Variants in TMCC1 observed in about 807,000 individuals in gnomAD.
TMCC1 encodes transmembrane and coiled-coil domain family 1, also known as transmembrane and coiled-coil domains protein 1.
A neutral mutation model predicts 52.4 loss-of-function variants in TMCC1; 15 were observed. That is an observed-to-expected ratio of 0.29 (90% CI 0.19 to 0.44). The LOEUF (loss-of-function observed/expected upper bound fraction) is 0.44, where lower values mean the gene tolerates loss of function less well. Among genes scored for constraint, TMCC1 ranks in the 20% least tolerant of loss-of-function variants. The pLI, the probability that TMCC1 is intolerant of heterozygous loss-of-function variation, is 1.00. For synonymous variants in TMCC1, 279 were observed against 301.9 expected, an observed-to-expected ratio of 0.92 and a Z score of 0.79; for missense variants, 503 against 806.0, an observed-to-expected ratio of 0.62 and a Z score of 4.55.
At chr3:129,692,939 C>T (rs540807776) in intron 4 of TMCC1, among the ~76,000 whole-genome samples, 1 of 152,186 alleles carries the variant, frequency 6.6e-6, no homozygotes, top group Admixed American at 6.5e-5. Context: ...ATCTCCCGGG[C>T]TCAAGTGATC....
chr3:129,687,338 G>A (rs2089477493), intron 4 of TMCC1, among the ~76,000 whole-genome samples: 2 of 152,122 alleles, frequency 1.3e-5, no homozygotes, highest in South Asian at 4.1e-4. Flanking sequence ...TTAAAGCAAG[G>A]TGATTCTGGT....
intron 4 of TMCC1, among the ~76,000 whole-genome samples, chr3:129,824,052 T>C (rs1486914094): frequency 6.6e-6 from 1 of 152,096 alleles, no homozygotes; most frequent in Non-Finnish European, 1.5e-5. Context: ...CAAATGAACT[T>C]TGGCTGGGCG....
chr3:129,780,869 C>T (rs532472376), intron 4 of TMCC1, among the ~76,000 whole-genome samples: 1 of 152,262 alleles, frequency 6.6e-6, no homozygotes, highest in Middle Eastern at 3.4e-3. Flanking sequence ...TCAGTATTCT[C>T]TTGCATTGTC....
chr3:129,688,245 C>T, intron 4 of TMCC1: 1 of 985,056 alleles, frequency 1.0e-6, no homozygotes, highest in African/African-American at 1.7e-5. Context: ...TGTGCACTGC[C>T]AGAGAAAGCT....
intron 5 of TMCC1, among the ~76,000 whole-genome samples, chr3:129,668,480 T>C (rs2087651829): frequency 6.6e-6 from 1 of 152,198 alleles, no homozygotes; most frequent in African/African-American, 2.4e-5. Context: ...TTTTCAAGGT[T>C]AGTAAGGGGA....
At chr3:129,830,987 C>G (rs1404463442) in intron 3 of TMCC1, among the ~76,000 whole-genome samples, 1 of 152,020 alleles carries the variant, frequency 6.6e-6, no homozygotes, top group African/African-American at 2.4e-5. Context: ...CAGGCTGGAG[C>G]GCAGTGGCAC....
At chr3:129,732,957 CCA>C (rs1490054822) in intron 4 of TMCC1, among the ~76,000 whole-genome samples, 3 of 152,180 alleles carry the variant, frequency 2.0e-5, no homozygotes, top group Non-Finnish European at 2.9e-5. Context: ...ACATTAATGT[CCA>C]CTTAGGGGTT....
intron 4 of TMCC1, among the ~76,000 whole-genome samples, chr3:129,797,352 A>G (rs890878616): frequency 7.3e-5 from 11 of 151,362 alleles, no homozygotes; most frequent in Admixed American, 6.6e-5. Context: ...CACGTATTTC[A>G]TAATATCTCG....
chr3:129,874,779 C>A (rs1208789283), intron 2 of TMCC1, among the ~76,000 whole-genome samples: 2 of 151,980 alleles, frequency 1.3e-5, no homozygotes, highest in Non-Finnish European at 2.9e-5. Flanking sequence ...ATGGCTTGAG[C>A]CCAGCAGTTT....
chr3:129,727,895 C>A (rs184516211), intron 4 of TMCC1, among the ~76,000 whole-genome samples: 3 of 152,258 alleles, frequency 2.0e-5, no homozygotes, highest in African/African-American at 7.2e-5. Flanking sequence ...GGGGATTATT[C>A]GAACTCAGCT....
chr3:129,800,531 G>A (rs2057120734), intron 4 of TMCC1, among the ~76,000 whole-genome samples: 1 of 151,900 alleles, frequency 6.6e-6, no homozygotes, highest in Admixed American at 6.6e-5. Context: ...AGGTGTCATG[G>A]CATCTCATTG....
intron 4 of TMCC1, among the ~76,000 whole-genome samples, chr3:129,774,198 A>ATG (rs1419579536): frequency 4.6e-5 from 7 of 152,310 alleles, no homozygotes; most frequent in Admixed American, 6.5e-5. Context: ...TTGTGATTAC[A>ATG]TATACACTGC....
At chr3:129,863,319 G>A (rs992185995) in intron 2 of TMCC1, among the ~76,000 whole-genome samples, 4 of 152,178 alleles carry the variant, frequency 2.6e-5, no homozygotes, top group Non-Finnish European at 5.9e-5. Context: ...CCCAAAGCAT[G>A]TGATGTAAGA....
chr3:129,660,847 T>C (rs543439322), intron 5 of TMCC1, among the ~76,000 whole-genome samples: 2 of 152,318 alleles, frequency 1.3e-5, no homozygotes, highest in Admixed American at 1.3e-4. Flanking sequence ...GGCATAATCA[T>C]GGTGCACTGC....
At chr3:129,681,655 C>G (rs538623904) in intron 4 of TMCC1, among the ~76,000 whole-genome samples, 3 of 151,960 alleles carry the variant, frequency 2.0e-5, no homozygotes, top group Non-Finnish European at 4.4e-5. Flanking sequence ...CGTCTGTAAT[C>G]CCAGAACTTT....
chr3:129,770,479 G>C (rs113723889), intron 4 of TMCC1, among the ~76,000 whole-genome samples: 8,427 of 152,226 alleles, frequency 0.055, 314 homozygotes, highest in Non-Finnish European at 0.081. Flanking sequence ...TCAGGAGTCT[G>C]AGACAGGAGG....
intron 4 of TMCC1, among the ~76,000 whole-genome samples, chr3:129,737,955 G>C (rs552164605): frequency 2.0e-5 from 3 of 152,036 alleles, no homozygotes; most frequent in African/African-American, 7.2e-5. Flanking sequence ...ATAAACTCCA[G>C]AACTATACTT....
intron 5 of TMCC1, chr3:129,656,682 T>C (rs1187728099): frequency 1.3e-5 from 2 of 152,202 alleles, no homozygotes; most frequent in Non-Finnish European, 2.9e-5. Context: ...CTAAACTCTA[T>C]TTAGTTCTTC....
At chr3:129,815,583 T>C (rs1185793347) in intron 4 of TMCC1, among the ~76,000 whole-genome samples, 2 of 152,006 alleles carry the variant, frequency 1.3e-5, no homozygotes, top group Non-Finnish European at 2.9e-5. Context: ...TCTGAACATA[T>C]ACAAAAATCA....
Sources: allele counts gnomAD v4.1 joint callset (sites outside exome capture counted in the v4.1 genomes callset), GRCh38; gene constraint gnomAD v4.1.1; transcripts MANE v1.5; gene names NCBI Gene and HGNC (gene_info 2026-07-23, HGNC 2026-07-21).